The following FHIT variants were observed in gnomAD, a reference collection of about 807,000 sequenced individuals.
The protein encoded by FHIT is fragile histidine triad diadenosine triphosphatase.
A neutral mutation model predicts 17.9 loss-of-function variants in FHIT; 19 were observed. The ratio of observed to expected loss-of-function variants is 1.06; its 90% CI spans 0.74 to 1.56. The LOEUF is 1.56. Ranked by LOEUF, FHIT falls within the 40% of genes most tolerant of loss-of-function variation. The probability of loss-of-function intolerance (pLI) is 0.00; values close to 1 mark genes in which losing one functional copy is unlikely to be tolerated. For missense variants in FHIT, 248 were observed against 189.2 expected (o/e 1.31, Z -1.82); for synonymous variants, 81 against 69.7 (o/e 1.16, Z -0.81).
At chr3:60,912,708 G>A (rs1372576090) in intron 3 of FHIT, 2 of 508,520 alleles carry the variant, frequency 3.9e-6, no homozygotes, top group Middle Eastern at 3.2e-4. Flanking sequence ...TATGTAACAA[G>A]CTTTACTAAC....
chr3:60,958,571 A>T (rs939202837), intron 3 of FHIT, among the ~76,000 whole-genome samples: 2 of 152,214 alleles, frequency 1.3e-5, no homozygotes, highest in Admixed American at 6.5e-5. Context: ...CTCTTTACCC[A>T]TGAAAAATAG....
chr3:60,381,809 TGGCTC>T (rs1700810714), intron 5 of FHIT, among the ~76,000 whole-genome samples: 1 of 128,934 alleles, frequency 7.8e-6, no homozygotes, highest in Non-Finnish European at 1.6e-5. Flanking sequence ...GTGATGATAA[TGGCTC>T]TGTAACTCTG....
chr3:61,211,456 G>A (rs961447530), intron 1 of FHIT, among the ~76,000 whole-genome samples: 1 of 152,230 alleles, frequency 6.6e-6, no homozygotes. Flanking sequence ...TGGGGGAGGG[G>A]CGCCCGCCAT....
chr3:60,724,707 G>A (rs1427506064), intron 4 of FHIT, among the ~76,000 whole-genome samples: 2 of 139,236 alleles, frequency 1.4e-5, no homozygotes, highest in Admixed American at 7.7e-5. Flanking sequence ...GGAGTGCAGT[G>A]ATGCAATCTT....
At chr3:59,905,264 T>C (rs1041163948) in intron 8 of FHIT, among the ~76,000 whole-genome samples, 6 of 152,112 alleles carry the variant, frequency 3.9e-5, no homozygotes, top group East Asian at 1.9e-4. Context: ...GAAAAAAGAA[T>C]TGATAGAACT....
intron 4 of FHIT, among the ~76,000 whole-genome samples, chr3:60,810,403 G>A (rs1701538483): frequency 1.3e-5 from 2 of 152,016 alleles, no homozygotes. Context: ...TTTCCCATAG[G>A]AGCGACACTA....
At chr3:60,087,340 G>A (rs1361681975) in intron 5 of FHIT, among the ~76,000 whole-genome samples, 1 of 152,144 alleles carries the variant, frequency 6.6e-6, no homozygotes, top group Non-Finnish European at 1.5e-5. Flanking sequence ...TTGACTACTA[G>A]CACCTGGCTC....
At chr3:59,948,877 T>C (rs905795351) in intron 7 of FHIT, among the ~76,000 whole-genome samples, 2 of 152,174 alleles carry the variant, frequency 1.3e-5, no homozygotes, top group Non-Finnish European at 2.9e-5. Flanking sequence ...ATAGACTTTT[T>C]TTCCTTTTTC....
At chr3:60,262,272 A>G (rs999682079) in intron 5 of FHIT, among the ~76,000 whole-genome samples, 5 of 152,050 alleles carry the variant, frequency 3.3e-5, no homozygotes, top group African/African-American at 1.2e-4. Context: ...TAAAGCAAAC[A>G]TATCAAAATG....
intron 5 of FHIT, among the ~76,000 whole-genome samples, chr3:60,216,399 A>G (rs1703700554): frequency 6.6e-6 from 1 of 152,198 alleles, no homozygotes; most frequent in South Asian, 2.1e-4. Context: ...AATTCAGTGA[A>G]AAAGCTAAAA....
At chr3:60,150,120 C>G (rs1477373874) in intron 5 of FHIT, among the ~76,000 whole-genome samples, 1 of 143,986 alleles carries the variant, frequency 6.9e-6, no homozygotes, top group African/African-American at 2.8e-5. Flanking sequence ...CTCAGCCTTC[C>G]TGAGTAGCTA....
intron 5 of FHIT, among the ~76,000 whole-genome samples, chr3:60,171,291 TA>T (rs1403470358): frequency 6.6e-6 from 1 of 152,082 alleles, no homozygotes; most frequent in African/African-American, 2.4e-5. Context: ...TTGCAGCAAA[TA>T]AAAGGACTCT....
intron 5 of FHIT, among the ~76,000 whole-genome samples, chr3:60,390,388 A>G: frequency 7.6e-6 from 1 of 132,042 alleles, no homozygotes; most frequent in African/African-American, 2.9e-5. Context: ...TTAAGATTGT[A>G]ATGGAGCTAA....
At chr3:60,924,916 A>C (rs1553769439) in intron 3 of FHIT, among the ~76,000 whole-genome samples, 1 of 152,218 alleles carries the variant, frequency 6.6e-6, no homozygotes, top group Non-Finnish European at 1.5e-5. Flanking sequence ...ACGAATACAC[A>C]AGTCTCAGTA....
intron 5 of FHIT, among the ~76,000 whole-genome samples, chr3:60,204,924 T>C (rs577223745): frequency 9.2e-5 from 14 of 152,016 alleles, no homozygotes; most frequent in African/African-American, 3.4e-4. Flanking sequence ...AGACCCCATT[T>C]CTACCAAAAA....
At chr3:59,844,386 A>C (rs1460679791) in intron 8 of FHIT, among the ~76,000 whole-genome samples, 2 of 152,122 alleles carry the variant, frequency 1.3e-5, no homozygotes, top group Non-Finnish European at 2.9e-5. Flanking sequence ...ATAGAGGCAA[A>C]TCTTTCAGTC....
chr3:60,756,743 A>G lies in FHIT; in HGVS notation c.-18+65176T>C, dbSNP rs575507210. On this transcript the variant is annotated intron_variant, in intron 4 of 9. Coordinates refer to ENST00000492590, the MANE Select transcript of FHIT (RefSeq NM_002012.4). ...TAGGCCGCATTATCCTTGCTTTTAT[A>G]GAGGAAGAAAATGTGGAACAGAAAA... 1.2e-4 allele frequency among the ~76,000 whole-genome samples: 19 copies of G among 152,350 alleles called. No individual in the cohort carries two copies. In the East Asian group the frequency reaches 3.1e-3, roughly 25 times the overall value.
chr3:61,213,776 T>C (rs2039572658), intron 1 of FHIT, among the ~76,000 whole-genome samples: 1 of 152,138 alleles, frequency 6.6e-6, no homozygotes, highest in Admixed American at 6.5e-5. Context: ...CCTGAGCAAA[T>C]GTAAAAGAAC....
intron 5 of FHIT, among the ~76,000 whole-genome samples, chr3:60,240,057 A>G (rs1705048551): frequency 6.6e-6 from 1 of 152,322 alleles, no homozygotes; most frequent in South Asian, 2.1e-4. Context: ...TAAAAATTAT[A>G]TAATACAATG....
Sources: gnomAD v4.1 joint callset for allele counts (sites outside exome capture counted in the v4.1 genomes callset) on GRCh38, gnomAD v4.1.1 for gene constraint, MANE v1.5 for transcripts, NCBI Gene and HGNC (gene_info 2026-07-23, HGNC 2026-07-21) for gene names.